Variants in DUSP9 observed in about 807,000 individuals in gnomAD.
DUSP9 encodes the protein dual specificity phosphatase 9, also known as dual specificity protein phosphatase 9.
Under a neutral mutation model 13.2 loss-of-function variants are expected in DUSP9, and 4 were observed. That is an observed-to-expected ratio of 0.30 (90% CI 0.15 to 0.69). The LOEUF (loss-of-function observed/expected upper bound fraction) is 0.69, where lower values mean the gene tolerates loss of function less well. DUSP9 is among the 30% of genes least tolerant of loss of function. The probability of loss-of-function intolerance (pLI) is 0.73; values close to 1 mark genes in which losing one functional copy is unlikely to be tolerated. For synonymous variants in DUSP9, 166 were observed against 172.3 expected, an observed-to-expected ratio of 0.96 and a Z score of 0.29; for missense variants, 263 against 355.0, an observed-to-expected ratio of 0.74 and a Z score of 2.08.
chrX:153,643,297 AC>A (rs1274593361), upstream of DUSP9, among the ~76,000 whole-genome samples: 1 of 107,023 alleles, frequency 9.3e-6, no homozygotes, highest in Non-Finnish European at 1.9e-5. Flanking sequence ...AGCCTTCGAC[AC>A]CCCCCAGCAC....
At position 153,650,393 on chromosome X, in the gene DUSP9, A is replaced by G. The variant is rs1218356612; in HGVS notation, c.*88A>G. The G allele has an allele frequency of 8.1e-6, 6 of 736,609 alleles. No homozygotes were observed. Among genetic ancestry groups the G allele is most frequent in the Admixed American group, 3.7e-5 (1 of 26,717 alleles). The allele number at this position is 736,609 out of a possible 1,213,427, so 60.7% of individuals were successfully genotyped here. ...GTGTGGCAAGGGAGGGGAGGGCAGG[A>G]GGGCTCGGCCTGAGCAGGGTGCTGG... On this transcript the variant is annotated 3_prime_UTR_variant, in exon 4 of 4. Coordinates refer to ENST00000342782, the MANE Select transcript of DUSP9 (RefSeq NM_001318503.2).
At chrX:153,644,293 TGCGGGGGCGGGG>T (rs1337158866), upstream of DUSP9, among the ~76,000 whole-genome samples, 4 of 38,785 alleles carry the variant, frequency 1.0e-4, no homozygotes, top group South Asian at 2.4e-3. Context: ...CGGGGGCGGG[TGCGGGGGCGGGG>T]GCGGGGGCGG....
In DUSP9 at chrX:153,649,252, G is replaced by A; in HGVS notation, c.394G>A (p.Ala132Thr). 1 of 1,210,728 alleles carries A rather than the reference G, an allele frequency of 8.3e-7. No individual in the cohort carries two copies. The highest frequency in any genetic ancestry group is 1.8e-5 in the South Asian group (1 of 57,010). ...AACAGGAGGCTTCAGCAGATTCCAG[G>A]CCGAGTGCCCTCACCTGTGTGAGAC... is the stretch of plus-strand genomic sequence containing the variant. Reference protein sequence around the residue: ...YLQGGFSRFQAECPHLCETSL... With the variant: ...YLQGGFSRFQTECPHLCETSL... The change falls in exon 3 of 4, where the codon GCC becomes ACC. Residue 132 changes from alanine to threonine, a missense_variant. Coordinates refer to ENST00000342782, the MANE Select transcript of DUSP9 (RefSeq NM_001318503.2).
chrX:153,645,458 C>T (rs782169089), upstream of DUSP9, among the ~76,000 whole-genome samples: 120 of 113,058 alleles, frequency 1.1e-3, no homozygotes, highest in African/African-American at 3.2e-3. Context: ...TGGGAGTCCC[C>T]GGCTAGCAGC....
At chrX:153,647,825 C>T (rs1468815042) in intron 1 of DUSP9, 94 bp from the exon 2 acceptor site, 32 of 784,677 alleles carry the variant, frequency 4.1e-5, no homozygotes, top group Non-Finnish European at 5.2e-5. Flanking sequence ...GGTGGGGGAC[C>T]CTGGGCTCCC....
upstream of DUSP9, among the ~76,000 whole-genome samples, chrX:153,645,486 G>A (rs1160364876): frequency 2.6e-5 from 3 of 113,229 alleles, no homozygotes; most frequent in Non-Finnish European, 3.7e-5. Context: ...CCGAAAGGGA[G>A]GGAGAGAGGC....
intron 3 of DUSP9, 91 bp from the exon 4 acceptor site, chrX:153,649,889 C>T (rs1557036204): frequency 5.7e-6 from 6 of 1,058,621 alleles, no homozygotes; most frequent in South Asian, 2.2e-5. Flanking sequence ...GCCCAGGGGG[C>T]AGGGCGGGGC....
At chrX:153,649,106 T>G in intron 2 of DUSP9, 126 bp from the exon 3 acceptor site, 3 of 660,719 alleles carry the variant, frequency 4.5e-6, no homozygotes, top group Non-Finnish European at 6.8e-6. Flanking sequence ...CTGCTGGGTT[T>G]TGTGTTCCCT....
Position 153,649,357 on chromosome X carries a change from C to T in DUSP9, c.499C>T (p.Leu167=). 1.7e-6 allele frequency: 2 copies of T among 1,211,160 alleles called. No individual in the cohort carries two copies. The highest frequency in any genetic ancestry group is 2.2e-6 in the Non-Finnish European group (2 of 895,557). Reference sequence around the variant, plus strand: ...CGTGGTGGGGTTGGGCAGCCTGTGCCTGGGCTCCGACTGCTCTGATGCGGA... The same window carrying T: ...CGTGGTGGGGTTGGGCAGCCTGTGCTTGGGCTCCGACTGCTCTGATGCGGA... The part of the protein sequence containing the change: ...VPVVGLGSLC[L]GSDCSDAESE... Residue 167 remains leucine (L), a synonymous_variant, in exon 3 of 4, where the codon CTG becomes TTG. Coordinates refer to ENST00000342782, the MANE Select transcript of DUSP9 (RefSeq NM_001318503.2).
chrX:153,647,477 G>T (rs782002866), intron 1 of DUSP9, 52 bp downstream of exon 1: 1 of 113,173 alleles, frequency 8.8e-6, no homozygotes, highest in East Asian at 2.8e-4. Flanking sequence ...GGGGACCGGG[G>T]GCCAGACCAC....
chrX:153,649,151 G>A (rs1471296311), intron 2 of DUSP9, 81 bp from the exon 3 acceptor site: 24 of 973,901 alleles, frequency 2.5e-5, no homozygotes, highest in Non-Finnish European at 3.0e-5. Flanking sequence ...AGTTGTCCAG[G>A]GTCATCTCCC....
chrX:153,650,454 T>G lies in DUSP9; in HGVS notation c.*149T>G, dbSNP rs1052612084. On this transcript the variant is annotated 3_prime_UTR_variant, in exon 4 of 4. Coordinates refer to ENST00000342782, the MANE Select transcript of DUSP9 (RefSeq NM_001318503.2). ...CAATACCTCACGCGGGCTGCCGTCC[T>G]AATCAACGTGCCTATGGCGGGACCA... 2.2e-6 allele frequency: 1 copy of G among 452,120 alleles called. No homozygotes were observed. The highest frequency in any genetic ancestry group is 4.1e-5 in the Admixed American group (1 of 24,411). The allele number at this position is 452,120 out of a possible 1,213,427, so 37.3% of individuals were successfully genotyped here.
chrX:153,643,767 G>C (rs2091177531), upstream of DUSP9, among the ~76,000 whole-genome samples: 1 of 112,845 alleles, frequency 8.9e-6, no homozygotes, highest in Admixed American at 9.3e-5. Flanking sequence ...GTCGGGGTGG[G>C]GGAGGAGTGT....
rs2091209839 is a variant in DUSP9, at chrX:153,650,299, C to T, written c.1149C>T (p.Pro383=). The T allele has an allele frequency of 4.3e-6, 5 of 1,174,958 alleles. No homozygotes were observed. Among genetic ancestry groups the T allele is most frequent in the African/African-American group, 1.8e-5 (1 of 56,623 alleles). ...PTSDGAFELA[P]T ...GTGATGGCGCCTTCGAGCTGGCCCC[C>T]ACCTAGGGCCCCGTGGCCGGCAGGC... Residue 383 remains proline, a synonymous_variant, in exon 4 of 4, where the codon CCC becomes CCT. Coordinates refer to ENST00000342782, the MANE Select transcript of DUSP9 (RefSeq NM_001318503.2).
intron 2 of DUSP9, 75 bp downstream of exon 2, chrX:153,648,401 C>G (rs1168904166): frequency 1.5e-5 from 15 of 1,014,841 alleles, no homozygotes; most frequent in Admixed American, 4.5e-5. Context: ...TTCTTTTTTT[C>G]TAAAGCGAGT....
intron 3 of DUSP9, 69 bp downstream of exon 3, chrX:153,649,756 T>A: frequency 1.0e-6 from 1 of 960,577 alleles, no homozygotes; most frequent in Non-Finnish European, 1.4e-6. Context: ...CCCTTGTGAG[T>A]ACTCCTCCCA....
upstream of DUSP9, among the ~76,000 whole-genome samples, chrX:153,646,479 A>T (rs1241473641): frequency 9.0e-6 from 1 of 111,717 alleles, no homozygotes; most frequent in African/African-American, 3.3e-5. Flanking sequence ...AGAGGCGTGG[A>T]TGTGAGAGAT....
At position 153,647,246 on chromosome X, in the gene DUSP9, G is replaced by C. The variant is rs2091191662; in HGVS notation, c.-215G>C. On this transcript the variant is annotated 5_prime_UTR_variant, in exon 1 of 4. Transcript: ENST00000342782. ...GGCTGCCAGGAAGCGGCCGGTGCGC[G>C]GGCTGCGCGGGCTGCGCGGGGCTCG... The C allele has an allele frequency of 8.9e-6, 1 of 111,996 alleles. No homozygotes were observed. The highest frequency in any genetic ancestry group is 3.2e-5 in the African/African-American group (1 of 30,993). 9.2% of individuals were successfully genotyped at this position (111,996 alleles called of 1,213,427 possible). A position where few individuals can be genotyped will look rare whatever the true frequency, so the allele number is the denominator to read the frequency against.
Position 153,649,466 on chromosome X carries a change from T to A in DUSP9, c.608T>A (p.Phe203Tyr). The A allele has an allele frequency of 8.3e-7, 1 of 1,211,736 alleles. No homozygotes were observed. The highest frequency in any genetic ancestry group is 1.1e-6 in the Non-Finnish European group (1 of 895,555). ...CCACCAGTGGGGCTGCGGGCATCCTTCCCTGTCCAGATCCTGCCCAACCTC... is the reference window on the plus strand; with the variant it reads ...CCACCAGTGGGGCTGCGGGCATCCTACCCTGTCCAGATCCTGCCCAACCTC... ...TPPPVGLRAS[F>Y]PVQILPNLYL... Residue 203 changes from phenylalanine to tyrosine, a missense_variant, in exon 3 of 4, where the codon TTC (phenylalanine) becomes TAC (tyrosine). Physicochemically the swap from Phe to Tyr is conservative, Grantham distance 22 (BLOSUM62 3). Coordinates refer to ENST00000342782, the MANE Select transcript of DUSP9 (RefSeq NM_001318503.2).
Sources: gnomAD v4.1 joint callset for allele counts (sites outside exome capture counted in the v4.1 genomes callset) on GRCh38, gnomAD v4.1.1 for gene constraint, MANE v1.5 for transcripts, NCBI Gene and HGNC (gene_info 2026-07-23, HGNC 2026-07-21) for gene names.